The following USP9X variants were observed in gnomAD, a reference collection of about 807,000 sequenced individuals.
The protein encoded by USP9X is ubiquitin specific peptidase 9 X-linked, also known as ubiquitin carboxyl-terminal hydrolase 9X.
A neutral mutation model predicts 190.3 loss-of-function variants in USP9X; 7 were observed. That is an observed-to-expected ratio of 0.04 (90% CI 0.02 to 0.07). The LOEUF (loss-of-function observed/expected upper bound fraction) is 0.07, where lower values mean the gene tolerates loss of function less well. Ranked by LOEUF, USP9X falls within the 10% of genes least tolerant of loss-of-function variation. The pLI, the probability that USP9X is intolerant of heterozygous loss-of-function variation, is 1.00. For synonymous variants in USP9X, 645 were observed against 659.5 expected (o/e 0.98, Z 0.34); for missense variants, 1,010 against 1,916.9 (o/e 0.53, Z 8.83).
chrX:41,098,420 G>A (rs1283013797), intron 1 of USP9X, among the ~76,000 whole-genome samples: 1 of 111,089 alleles, frequency 9.0e-6, no homozygotes, highest in Non-Finnish European at 1.9e-5. Context: ...GATTACAGGC[G>A]TGAGCCACCG....
At chrX:41,206,906 C>G (rs1231130147) in intron 32 of USP9X, among the ~76,000 whole-genome samples, 2 of 107,216 alleles carry the variant, frequency 1.9e-5, no homozygotes, top group African/African-American at 6.8e-5. Flanking sequence ...TCCTGAGTAG[C>G]TAGGGTTAAC....
intron 21 of USP9X, among the ~76,000 whole-genome samples, chrX:41,182,664 G>A (rs921570403): frequency 1.8e-5 from 2 of 110,256 alleles, no homozygotes; most frequent in African/African-American, 6.6e-5. Context: ...GTGAGGGGAG[G>A]TAAAAACCTA....
At chrX:41,199,538 G>A (rs901902868) in intron 30 of USP9X, among the ~76,000 whole-genome samples, 9 of 111,337 alleles carry the variant, frequency 8.1e-5, no homozygotes, top group African/African-American at 2.9e-4. Flanking sequence ...AAGTAGCTGG[G>A]CTTACAGGCG....
chrX:41,168,937 G>C (rs969430992), intron 18 of USP9X, among the ~76,000 whole-genome samples: 1 of 111,532 alleles, frequency 9.0e-6, no homozygotes, highest in Non-Finnish European at 1.9e-5. Flanking sequence ...ATTATATACA[G>C]TTGCTTCTTG....
rs900637445 is a variant in USP9X, at chrX:41,235,949, A to G, written c.*3425A>G. 3.6e-5 allele frequency: 4 copies of G among 111,633 alleles called. No individual in the cohort carries two copies. The Admixed American group carries it at 3.8e-4, about 11-fold the overall frequency. The allele number at this position is 111,633 out of a possible 1,213,427, so 9.2% of individuals were successfully genotyped here. A position where few individuals can be genotyped will look rare whatever the true frequency, so the allele number is the denominator to read the frequency against. On this transcript the variant is annotated 3_prime_UTR_variant, in exon 45 of 45. Coordinates refer to ENST00000378308, the MANE Select transcript of USP9X (RefSeq NM_001039591.3). ...TACTTCGAAGTAATTCAGTTTTTTT[A>G]TTAGTATTTTTCCAGCTTATGTTTT... is the stretch of plus-strand genomic sequence containing the variant.
intron 32 of USP9X, 140 bp downstream of exon 32, chrX:41,205,633 G>GTTTTTTT: frequency 5.8e-6 from 2 of 343,187 alleles, no homozygotes; most frequent in Non-Finnish European, 8.9e-6. Context: ...AATTGGGTGG[G>GTTTTTTT]TTTTTTTTTT....
At chrX:41,097,012 A>G (rs2061996380) in intron 1 of USP9X, among the ~76,000 whole-genome samples, 1 of 108,294 alleles carries the variant, frequency 9.2e-6, no homozygotes, top group Admixed American at 1.0e-4. Context: ...CAATCCAACA[A>G]CTTGAATGTC....
chrX:41,085,559 C>T lies in USP9X; in HGVS notation c.-709C>T. 1 of 247,503 alleles carries T rather than the reference C, an allele frequency of 4.0e-6. No homozygotes were observed. Among genetic ancestry groups the T allele is most frequent in the Non-Finnish European group, 7.2e-6 (1 of 138,567 alleles). The allele number at this position is 247,503 out of a possible 1,213,427, so 20.4% of individuals were successfully genotyped here. A position where few individuals can be genotyped will look rare whatever the true frequency, so the allele number is the denominator to read the frequency against. On this transcript the variant is annotated 5_prime_UTR_variant, in exon 1 of 45. Transcript: ENST00000378308. ...CCCGGCCCCGTCAGGGCCTCTGTCG[C>T]GCCTAGCCCCTCCCCGCCTTACACA...
intron 1 of USP9X, among the ~76,000 whole-genome samples, chrX:41,087,947 G>C (rs1474163443): frequency 8.9e-6 from 1 of 111,826 alleles, no homozygotes; most frequent in Non-Finnish European, 1.9e-5. Flanking sequence ...CCTTTCACCA[G>C]GTTATTGGGG....
intron 41 of USP9X, among the ~76,000 whole-genome samples, chrX:41,228,828 A>G (rs1410714175): frequency 1.8e-5 from 2 of 112,085 alleles, no homozygotes; most frequent in African/African-American, 6.5e-5. Flanking sequence ...TAAAAGTTTT[A>G]ATAATAAGGC....
chrX:41,174,636 C>T (rs979094210), intron 21 of USP9X, among the ~76,000 whole-genome samples: 3 of 111,871 alleles, frequency 2.7e-5, no homozygotes, highest in Admixed American at 1.9e-4. Flanking sequence ...CCATTACTGA[C>T]GATGATCACT....
At chrX:41,125,718 TCGCGCACGCGCG>T (rs1422419744) in intron 2 of USP9X, among the ~76,000 whole-genome samples, 6 of 99,189 alleles carry the variant, frequency 6.0e-5, no homozygotes, top group East Asian at 6.2e-4. Context: ...TCTCTCTCTC[TCGCGCACGCGCG>T]CGCGCTCTCT....
chrX:41,213,609 C>T (rs1355604921), intron 33 of USP9X, among the ~76,000 whole-genome samples: 3 of 111,744 alleles, frequency 2.7e-5, no homozygotes, highest in Non-Finnish European at 5.6e-5. Flanking sequence ...CTTCACAAAG[C>T]CTAAGATAAA....
At chrX:41,138,979 A>G (rs915951477) in intron 6 of USP9X, among the ~76,000 whole-genome samples, 1 of 112,731 alleles carries the variant, frequency 8.9e-6, no homozygotes, top group African/African-American at 3.2e-5. Flanking sequence ...CTAGCCTATT[A>G]GCCTCAGTTT....
intron 31 of USP9X, among the ~76,000 whole-genome samples, chrX:41,204,693 C>T (rs553893118): frequency 1.8e-5 from 2 of 111,581 alleles, no homozygotes; most frequent in Middle Eastern, 4.7e-3. Flanking sequence ...TGCACAGATT[C>T]ACCGTTGGTT....
chrX:41,204,681 G>A (rs970233767), intron 31 of USP9X, among the ~76,000 whole-genome samples: 1 of 111,466 alleles, frequency 9.0e-6, no homozygotes, highest in East Asian at 2.8e-4. Context: ...TCTATTTTTA[G>A]ATGCACAGAT....
chrX:41,195,046 C>CTTTTTTT (rs931341447), intron 26 of USP9X, among the ~76,000 whole-genome samples: 1 of 104,686 alleles, frequency 9.6e-6, no homozygotes, highest in African/African-American at 3.6e-5. Flanking sequence ...TTTTTTCTTT[C>CTTTTTTT]TTTTTTTTGG....
chrX:41,141,329 T>C lies in USP9X; in HGVS notation c.1059T>C (p.Asn353=). ...LQISSFNGKM[N]ALNEVNKVIS... is the part of the protein sequence containing the mutation. ...TTTCTTCTTTCAATGGAAAGATGAA[T>C]GCACTGAATGAAGTTAATAAGGTGA... The change falls in exon 9 of 45, where the codon AAT becomes AAC. Residue 353 remains asparagine (N), a synonymous_variant. Transcript: ENST00000378308. 1 of 1,206,879 alleles carries C rather than the reference T, an allele frequency of 8.3e-7. No individual in the cohort carries two copies. The highest frequency in any genetic ancestry group is 1.1e-6 in the Non-Finnish European group (1 of 893,397).
At chrX:41,152,294 A>G (rs1289852813) in intron 13 of USP9X, among the ~76,000 whole-genome samples, 1 of 112,161 alleles carries the variant, frequency 8.9e-6, no homozygotes, top group African/African-American at 3.2e-5. Context: ...CCTTTCTCAA[A>G]TGAATGCATT....
Sources: gnomAD v4.1 joint callset for allele counts (sites outside exome capture counted in the v4.1 genomes callset) on GRCh38, gnomAD v4.1.1 for gene constraint, MANE v1.5 for transcripts, NCBI Gene and HGNC (gene_info 2026-07-23, HGNC 2026-07-21) for gene names.